Variants in COL5A3 observed in about 807,000 individuals in gnomAD.
The protein encoded by COL5A3 is collagen alpha-3(V) chain.
COL5A3 carries 172 observed loss-of-function variants against 250.0 expected under a neutral mutation model. The observed-to-expected ratio is 0.69, with a 90% confidence interval of 0.61 to 0.78. The LOEUF (loss-of-function observed/expected upper bound fraction) is 0.78. Ranked by LOEUF, COL5A3 falls within the 30% of genes least tolerant of loss-of-function variation. COL5A3 has a pLI of 0.00. For synonymous variants in COL5A3, 937 were observed against 900.4 expected, an observed-to-expected ratio of 1.04 and a Z score of -0.73; for missense variants, 2,340 against 2,334.4, an observed-to-expected ratio of 1.00 and a Z score of -0.05.
At chr19:9,962,617 C>T (rs958734781) in intron 65 of COL5A3, among the ~76,000 whole-genome samples, 6 of 152,174 alleles carry the variant, frequency 3.9e-5, no homozygotes, top group African/African-American at 9.6e-5. Context: ...CTTCCCCTAT[C>T]CTGGCACCAT....
intron 22 of COL5A3, 66 bp downstream of exon 22, chr19:9,991,938 A>G (rs1599217598): frequency 6.4e-7 from 1 of 1,569,730 alleles, no homozygotes; most frequent in Admixed American, 1.7e-5. Flanking sequence ...GGAAGGGAAT[A>G]GGGATGTGGA....
chr19:9,998,023 C>T lies in COL5A3; in HGVS notation c.1161G>A (p.Gly387=), dbSNP rs145003621. The T allele has an allele frequency of 3.7e-5, 59 of 1,613,956 alleles. No individual in the cohort carries two copies. The highest frequency in any genetic ancestry group is 2.7e-5 in the African/African-American group (2 of 74,884). Residue 387 remains glycine, a splice_region_variant and synonymous_variant, in exon 10 of 67, where the codon GGG becomes GGA. Transcript: ENST00000264828. ...AKGEPAVIEK[G]QQFEGPPGAP... is the part of the protein sequence containing the mutation. The stretch of plus-strand genomic sequence containing the variant: ...CTCCTGGAGGTCCCTCAAACTGCTG[C>T]CCCTGAAGGGAGAAGTGAGTGTCGG...
At chr19:9,997,478 G>C (rs73007105) in intron 10 of COL5A3, 45 bp from the exon 11 acceptor site, 17,629 of 1,342,600 alleles carry the variant, frequency 0.013, 146 homozygotes, top group South Asian at 0.015. Context: ...TGCAAAGTTT[G>C]AGCTAGGCTG....
intron 65 of COL5A3, among the ~76,000 whole-genome samples, chr19:9,962,560 C>T (rs1475434556): frequency 1.3e-5 from 2 of 152,134 alleles, no homozygotes; most frequent in African/African-American, 2.4e-5. Flanking sequence ...ACTAGGAAGC[C>T]TTCTGGTCTT....
chr19:10,008,333 T>G (rs949385152), intron 1 of COL5A3, among the ~76,000 whole-genome samples: 1 of 152,276 alleles, frequency 6.6e-6, no homozygotes, highest in South Asian at 2.1e-4. Context: ...TTGAAACTTG[T>G]GTCCCCTCTG....
chr19:9,974,130 C>G, intron 47 of COL5A3, 41 bp downstream of exon 47: 1 of 1,601,150 alleles, frequency 6.2e-7, no homozygotes, highest in Non-Finnish European at 8.5e-7. Flanking sequence ...ACCTATAACC[C>G]CACCATCCTC....
chr19:9,991,440 A>G (rs768350131), intron 24 of COL5A3, among the ~76,000 whole-genome samples, 170 bp downstream of exon 24: 1 of 152,002 alleles, frequency 6.6e-6, no homozygotes, highest in African/African-American at 2.4e-5. Context: ...GTTTCTTGCA[A>G]CCAATCCTTC....
intron 53 of COL5A3, 73 bp from the exon 54 acceptor site, chr19:9,970,748 G>C: frequency 8.0e-7 from 1 of 1,249,402 alleles, no homozygotes; most frequent in Non-Finnish European, 1.1e-6. Context: ...GGACGCCTTG[G>C]ACCAGAGGAC....
Position 9,968,490 on chromosome 19 carries a change from G to GC in COL5A3, c.4208dup (p.His1404ProfsTer16). 1 of 1,584,240 alleles carries GC rather than the reference G, an allele frequency of 6.3e-7. No homozygotes were observed. Among genetic ancestry groups the GC allele is most frequent in the Non-Finnish European group, 8.5e-7 (1 of 1,170,988 alleles). ...CAATGAGACCGATCAATCCAATGTG[G>GC]CCCTGAAGGACAAAAGAGGCACAGA... On this transcript the variant is annotated frameshift_variant and splice_region_variant, in exon 59 of 67. Coordinates refer to ENST00000264828, the MANE Select transcript of COL5A3 (RefSeq NM_015719.4). LOFTEE classifies it high-confidence loss of function. The surrounding 1 kb of genome is among the most constrained non-coding windows in gnomAD (Gnocchi z 4.1).
chr19:10,003,164 CCAAA>C (rs1371257499), intron 6 of COL5A3, among the ~76,000 whole-genome samples: 1 of 152,154 alleles, frequency 6.6e-6, no homozygotes. Context: ...GCAGGGAACC[CCAAA>C]CAATGACACA....
chr19:9,997,802 G>T (rs1199506002), intron 10 of COL5A3, among the ~76,000 whole-genome samples, 182 bp downstream of exon 10: 2 of 152,070 alleles, frequency 1.3e-5, no homozygotes, highest in African/African-American at 2.4e-5. Context: ...ATGGGGTCTT[G>T]CTATGTTGCC....
At chr19:9,969,501 A>T in intron 56 of COL5A3, 74 bp downstream of exon 56, 13 of 1,592,366 alleles carry the variant, frequency 8.2e-6, no homozygotes, top group Non-Finnish European at 1.1e-5. Flanking sequence ...CCAAACGGTG[A>T]TGGGATCACA....
chr19:9,997,029 G>C, intron 11 of COL5A3: 1 of 523,594 alleles, frequency 1.9e-6, no homozygotes, highest in South Asian at 2.4e-5. Flanking sequence ...GAAATAGAGA[G>C]AGAGGCGAAC....
chr19:10,003,867 G>A (rs1207815267), intron 5 of COL5A3, among the ~76,000 whole-genome samples, 153 bp from the exon 6 acceptor site: 1 of 152,182 alleles, frequency 6.6e-6, no homozygotes, highest in Non-Finnish European at 1.5e-5. Context: ...GGGGTCAAGG[G>A]TGGCTCAGGA....
At chr19:10,006,639 G>A (rs2087448302) in intron 1 of COL5A3, among the ~76,000 whole-genome samples, 1 of 152,028 alleles carries the variant, frequency 6.6e-6, no homozygotes, top group Non-Finnish European at 1.5e-5. Context: ...GTGGAGAGGA[G>A]GGGCTTCCAG....
At chr19:9,965,099 A>T (rs1317961103) in intron 64 of COL5A3, among the ~76,000 whole-genome samples, 2 of 150,984 alleles carry the variant, frequency 1.3e-5, no homozygotes. Context: ...TTGCATCAGT[A>T]TCTGAATTGC....
In COL5A3 at chr19:10,004,025, G is replaced by A. The variant is rs780759836; in HGVS notation, c.699+16C>T. 4.4e-6 allele frequency: 7 copies of A among 1,583,444 alleles called. No homozygotes were observed. The highest frequency in any genetic ancestry group is 5.2e-6 in the Non-Finnish European group (6 of 1,151,938). On this transcript the variant is annotated intron_variant, in intron 5 of 66. Coordinates refer to ENST00000264828, the MANE Select transcript of COL5A3 (RefSeq NM_015719.4). ...CCTGTGTCCTGAGATTAGGAGTCAT[G>A]GAGTCCCTCACTCACCACTGTGGCT...
Position 9,977,632 on chromosome 19 carries a change from C to T in COL5A3, c.3088G>A (p.Glu1030Lys), listed in dbSNP as rs773722641. The change falls in exon 42 of 67, where the codon GAA becomes AAA. Residue 1030 changes from glutamate (E) to lysine (K), a missense_variant. Glu to Lys is a moderately conservative substitution (Grantham distance 56). This residue lies in a region of COL5A3 where 1,179 missense variants were observed against 1,162.6 expected (regional missense o/e 1.01). Transcript: ENST00000264828. The stretch of plus-strand genomic sequence containing the variant: ...TTGCCTGCAGGGCCAACGGGGCCTT[C>T]GCTGCCACTTTGGCCAGGAAGTCCA... Reference protein sequence around the residue: ...GIGLPGQSGSEGPVGPAGKKG... With the variant: ...GIGLPGQSGSKGPVGPAGKKG... 32 of 1,606,436 alleles carry T rather than the reference C, an allele frequency of 2.0e-5. No individual in the cohort carries two copies. Among genetic ancestry groups the T allele is most frequent in the African/African-American group, 4.0e-5 (3 of 74,688 alleles).
chr19:9,998,270 C>T (rs1404600978), intron 8 of COL5A3, 121 bp from the exon 9 acceptor site: 1 of 1,005,988 alleles, frequency 9.9e-7, no homozygotes, highest in Non-Finnish European at 1.5e-6. Context: ...AGTCCACCCT[C>T]AGAGCCCCTT....
Sources: allele counts gnomAD v4.1 joint callset (sites outside exome capture counted in the v4.1 genomes callset), GRCh38; gene constraint gnomAD v4.1.1; regional missense constraint gnomAD v4.1.1; non-coding constraint Gnocchi (gnomAD v3.1); transcripts MANE v1.5; gene names NCBI Gene and HGNC (gene_info 2026-07-23, HGNC 2026-07-21).